PLEKHG1: variants seen among roughly 807,000 people sequenced by gnomAD.
PLEKHG1 encodes the protein pleckstrin homology and RhoGEF domain containing G1, also known as pleckstrin homology domain-containing family G member 1.
Under a neutral mutation model 100.8 loss-of-function variants are expected in PLEKHG1, and 44 were observed. The ratio of observed to expected loss-of-function variants is 0.44; its 90% CI spans 0.34 to 0.56. The LOEUF (loss-of-function observed/expected upper bound fraction) is 0.56. Ranked by LOEUF, PLEKHG1 falls within the 20% of genes least tolerant of loss-of-function variation. The pLI, the probability that PLEKHG1 is intolerant of heterozygous loss-of-function variation, is 0.01. For missense variants in PLEKHG1, 1,545 were observed against 1,720.9 expected, an observed-to-expected ratio of 0.90 and a Z score of 1.81; for synonymous variants, 640 against 662.5, an observed-to-expected ratio of 0.97 and a Z score of 0.52.
intron 4 of PLEKHG1, 93 bp downstream of exon 5, chr6:150,786,552 C>A: frequency 1.2e-6 from 1 of 803,778 alleles, no homozygotes; most frequent in Non-Finnish European, 2.1e-6. Flanking sequence ...TGTTTCATAT[C>A]AGATAGAGTT....
chr6:150,709,729 C>T (rs929843388), intron 3 of PLEKHG1, among the ~76,000 whole-genome samples: 8 of 152,120 alleles, frequency 5.3e-5, no homozygotes, highest in African/African-American at 1.9e-4. Flanking sequence ...TTTCATGAGC[C>T]GTAGGTGATG....
intron 3 of PLEKHG1, among the ~76,000 whole-genome samples, chr6:150,783,575 G>A (rs2128650071): frequency 6.6e-6 from 1 of 152,102 alleles, no homozygotes; most frequent in South Asian, 2.1e-4. Context: ...TCACTGTGTT[G>A]GCCGTGCTGG....
At chr6:150,696,494 G>C (rs922490247) in intron 3 of PLEKHG1, among the ~76,000 whole-genome samples, 1 of 152,132 alleles carries the variant, frequency 6.6e-6, no homozygotes, top group African/African-American at 2.4e-5. Flanking sequence ...CGGCACGCAC[G>C]CACTTTCTCC....
intron 3 of PLEKHG1, among the ~76,000 whole-genome samples, chr6:150,678,264 A>G (rs1309167620): frequency 3.3e-5 from 5 of 151,788 alleles, no homozygotes; most frequent in Admixed American, 3.3e-4. Context: ...GAAACTTCAG[A>G]CCACTTGAAC....
chr6:150,800,546 TCA>T (rs779319092), intron 5 of PLEKHG1, among the ~76,000 whole-genome samples, 171 bp from the exon 7 acceptor site: 5 of 152,226 alleles, frequency 3.3e-5, no homozygotes, highest in Non-Finnish European at 5.9e-5. Context: ...TTTTTCTAAT[TCA>T]CCCTCCCAGA....
intron 3 of PLEKHG1, among the ~76,000 whole-genome samples, chr6:150,666,612 T>C (rs1258929697): frequency 6.6e-6 from 1 of 152,128 alleles, no homozygotes; most frequent in Non-Finnish European, 1.5e-5. Context: ...CTCCTAAGTA[T>C]CTCATGTTAT....
chr6:150,608,778 G>C (rs1296079482), intron 1 of PLEKHG1, among the ~76,000 whole-genome samples: 2 of 152,222 alleles, frequency 1.3e-5, no homozygotes, highest in Non-Finnish European at 1.5e-5. Context: ...TGAATACTCA[G>C]TTGAAATGCG....
At chr6:150,745,742 C>G (rs532693756) in intron 2 of PLEKHG1, among the ~76,000 whole-genome samples, 2 of 150,616 alleles carry the variant, frequency 1.3e-5, no homozygotes, top group South Asian at 4.2e-4. Flanking sequence ...GAACAACACT[C>G]AAAAATTCAT....
intron 3 of PLEKHG1, among the ~76,000 whole-genome samples, chr6:150,659,694 C>G (rs919982888): frequency 2.0e-5 from 3 of 152,190 alleles, no homozygotes; most frequent in African/African-American, 7.2e-5. Flanking sequence ...CCTGATTTTA[C>G]CTGCCCCTGC....
At chr6:150,719,088 AACTAATAAATG>A (rs1195976152), upstream of PLEKHG1, among the ~76,000 whole-genome samples, 1 of 152,206 alleles carries the variant, frequency 6.6e-6, no homozygotes, top group Non-Finnish European at 1.5e-5. Context: ...ACCGCGGATG[AACTAATAAATG>A]ACTGTCCCAT....
At chr6:150,734,558 G>C (rs1782465085) in intron 2 of PLEKHG1, among the ~76,000 whole-genome samples, 1 of 152,164 alleles carries the variant, frequency 6.6e-6, no homozygotes, top group East Asian at 1.9e-4. Flanking sequence ...GATTTCATTG[G>C]CCTGGGTGGG....
chr6:150,656,614 C>A (rs1778979851), intron 3 of PLEKHG1, among the ~76,000 whole-genome samples: 1 of 152,170 alleles, frequency 6.6e-6, no homozygotes, highest in South Asian at 2.1e-4. Flanking sequence ...TGCTACCACT[C>A]CTTTAATTTT....
At chr6:150,713,107 T>C (rs1428475612) in intron 3 of PLEKHG1, among the ~76,000 whole-genome samples, 1 of 151,954 alleles carries the variant, frequency 6.6e-6, no homozygotes, top group Middle Eastern at 3.2e-3. Flanking sequence ...TGAGGGCGAG[T>C]AAGAGGTGAT....
intron 3 of PLEKHG1, among the ~76,000 whole-genome samples, chr6:150,694,306 T>C (rs1780460978): frequency 6.6e-6 from 1 of 152,232 alleles, no homozygotes; most frequent in Admixed American, 6.5e-5. Context: ...AATTATTTCA[T>C]CTCTCAGTGC....
intron 1 of PLEKHG1, among the ~76,000 whole-genome samples, chr6:150,728,765 G>T (rs1371462429): frequency 6.6e-6 from 1 of 150,764 alleles, no homozygotes; most frequent in African/African-American, 2.4e-5. Context: ...GCATGGTGGC[G>T]GGCGCCTGTA....
chr6:150,708,641 G>A (rs1021168718), intron 3 of PLEKHG1, among the ~76,000 whole-genome samples: 1 of 152,114 alleles, frequency 6.6e-6, no homozygotes, highest in African/African-American at 2.4e-5. Flanking sequence ...AATCATAATT[G>A]TATATAAACT....
intron 1 of PLEKHG1, among the ~76,000 whole-genome samples, chr6:150,732,549 T>C (rs999484948): frequency 2.0e-5 from 3 of 152,238 alleles, no homozygotes; most frequent in Admixed American, 6.5e-5. Flanking sequence ...CACAAACCTA[T>C]ATGGCATAGC....
chr6:150,839,826 C>T lies in PLEKHG1; in HGVS notation c.3095-7C>T. On this transcript the variant is annotated splice_polypyrimidine_tract_variant and splice_region_variant and intron_variant, in intron 15 of 15. Coordinates refer to ENST00000358517, the Ensembl canonical transcript of PLEKHG1. ...GTGTATTTACTGTTTCAATATTTGC[C>T]TTCCAGGTGCCAGGATTGCTGAGTA... is the stretch of plus-strand genomic sequence containing the variant. The T allele has an allele frequency of 6.4e-7, 1 of 1,554,730 alleles. No homozygotes were observed. Among genetic ancestry groups the T allele is most frequent in the African/African-American group, 1.4e-5 (1 of 73,912 alleles).
chr6:150,816,350 T>TTTTTTTC (rs1775956655), intron 10 of PLEKHG1, among the ~76,000 whole-genome samples: 2 of 135,144 alleles, frequency 1.5e-5, no homozygotes, highest in Non-Finnish European at 3.2e-5. Context: ...TTTTTTTTTT[T>TTTTTTTC]TTTTTTTGAG....
Sources: gnomAD v4.1 joint callset for allele counts (sites outside exome capture counted in the v4.1 genomes callset) on GRCh38, gnomAD v4.1.1 for gene constraint, MANE v1.5 for transcripts, NCBI Gene and HGNC (gene_info 2026-07-23, HGNC 2026-07-21) for gene names.